The following CDH18 variants were observed in gnomAD, a reference collection of about 807,000 sequenced individuals.
The protein encoded by CDH18 is cadherin-18.
Under a neutral mutation model 67.9 loss-of-function variants are expected in CDH18, and 31 were observed. The observed-to-expected ratio is 0.46, with a 90% CI of 0.34 to 0.62. The LOEUF (loss-of-function observed/expected upper bound fraction) is 0.62, where lower values mean the gene tolerates loss of function less well. CDH18 is among the 20% of genes least tolerant of loss of function. The probability of loss-of-function intolerance (pLI) is 0.01; values close to 1 mark genes in which losing one functional copy is unlikely to be tolerated. For missense variants in CDH18, 890 were observed against 975.5 expected (o/e 0.91, Z 1.17); for synonymous variants, 362 against 347.2 (o/e 1.04, Z -0.48).
chr5:19,717,698 A>T (rs1294175880), intron 5 of CDH18, among the ~76,000 whole-genome samples: 3 of 152,078 alleles, frequency 2.0e-5, no homozygotes, highest in African/African-American at 4.8e-5. Context: ...TCATTTTCTG[A>T]TAACTCAAAA....
intron 3 of CDH18, among the ~76,000 whole-genome samples, chr5:19,804,975 G>T (rs1777883292): frequency 6.6e-6 from 1 of 151,130 alleles, no homozygotes; most frequent in African/African-American, 2.4e-5. Context: ...GACAGGGTGT[G>T]GCTCTGTCAC....
chr5:19,645,372 A>G lies in CDH18; in HGVS notation c.644-32771T>C, dbSNP rs147206639. 3.7e-3 allele frequency among the ~76,000 whole-genome samples: 570 copies of G among 152,294 alleles called. 5 individuals carry two copies. Among genetic ancestry groups the G allele is most frequent in the Admixed American group, 9.3e-3 (142 of 15,298 alleles). ...GCAAACTGCAAAGCTAGAGGGAACT[A>G]GTGGAGTCCAAGAACCTTAGGAGCG... On this transcript the variant is annotated intron_variant, in intron 5 of 12. Coordinates refer to ENST00000382275, the MANE Select transcript of CDH18 (RefSeq NM_004934.5).
At chr5:19,763,941 G>T (rs1202552743) in intron 3 of CDH18, among the ~76,000 whole-genome samples, 2 of 125,828 alleles carry the variant, frequency 1.6e-5, no homozygotes, top group East Asian at 5.0e-4. Context: ...CTGAGGTCAA[G>T]AATTTGAGAC....
At chr5:19,857,086 G>C (rs1156652140) in intron 2 of CDH18, among the ~76,000 whole-genome samples, 2 of 151,902 alleles carry the variant, frequency 1.3e-5, no homozygotes, top group Admixed American at 1.3e-4. Context: ...AATTAGTGAG[G>C]TGTGGTGGTG....
rs534676172 is a variant in CDH18 at position 19,799,601 on chromosome 5, AT to A, written c.228+39157del. On this transcript the variant is annotated intron_variant, in intron 3 of 12. Coordinates refer to ENST00000382275, the MANE Select transcript of CDH18 (RefSeq NM_004934.5). ...TAAATGTATACATTATCTAGGAGTA[AT>A]TTTTTTATATCTATTATACCTCAAT... is the stretch of plus-strand genomic sequence containing the variant. 4.6e-5 allele frequency among the ~76,000 whole-genome samples: 7 copies of A among 152,104 alleles called. No homozygotes were observed. In the East Asian group the frequency reaches 5.8e-4, roughly 13 times the overall value.
intron 3 of CDH18, among the ~76,000 whole-genome samples, chr5:19,750,610 G>A (rs1199975784): frequency 4.6e-5 from 7 of 152,058 alleles, no homozygotes; most frequent in Non-Finnish European, 8.8e-5. Flanking sequence ...TCCATATATA[G>A]ACATGGTAGT....
chr5:19,759,820 C>T (rs13187843), intron 3 of CDH18, among the ~76,000 whole-genome samples: 6,570 of 152,162 alleles, frequency 0.043, 190 homozygotes, highest in Non-Finnish European at 0.066. Context: ...ATTAGGGGTA[C>T]CGTTCTTCAA....
intron 2 of CDH18, among the ~76,000 whole-genome samples, chr5:19,856,306 T>C (rs1460316436): frequency 6.6e-6 from 1 of 152,180 alleles, no homozygotes. Context: ...ATGTTTATAA[T>C]GTACTGCCCT....
At chr5:19,822,791 T>C (rs1050200919) in intron 3 of CDH18, among the ~76,000 whole-genome samples, 3 of 152,132 alleles carry the variant, frequency 2.0e-5, no homozygotes, top group African/African-American at 7.2e-5. Flanking sequence ...ATTGATAACA[T>C]TTTATCAGGA....
intron 2 of CDH18, among the ~76,000 whole-genome samples, chr5:19,998,170 G>A (rs775793947): frequency 2.0e-5 from 3 of 152,126 alleles, no homozygotes; most frequent in Non-Finnish European, 2.9e-5. Flanking sequence ...GCCAAGCTTA[G>A]GGGAGTAAAA....
chr5:19,847,622 G>A (rs1783147253), intron 2 of CDH18, among the ~76,000 whole-genome samples: 1 of 151,774 alleles, frequency 6.6e-6, no homozygotes, highest in Admixed American at 6.6e-5. Context: ...TTTTGATTGA[G>A]CCCTGTTTTC....
intron 3 of CDH18, among the ~76,000 whole-genome samples, chr5:19,829,192 G>C (rs892837145): frequency 1.3e-5 from 2 of 152,116 alleles, no homozygotes; most frequent in African/African-American, 4.8e-5. Context: ...GTTCAATATA[G>C]TACTGGAAGT....
intron 5 of CDH18, among the ~76,000 whole-genome samples, chr5:19,667,725 C>G (rs1467801509): frequency 1.2e-4 from 18 of 151,570 alleles, no homozygotes; most frequent in Admixed American, 1.2e-3. Context: ...TTCTGCTTTA[C>G]AAAGTTTTAT....
At chr5:20,386,604 C>G (rs1434201370) in intron 1 of CDH18, among the ~76,000 whole-genome samples, 1 of 152,064 alleles carries the variant, frequency 6.6e-6, no homozygotes, top group Non-Finnish European at 1.5e-5. Context: ...AAGTATACAG[C>G]AGGAGTAAGT....
intron 3 of CDH18, among the ~76,000 whole-genome samples, chr5:19,764,344 G>A (rs1772788036): frequency 6.6e-6 from 1 of 151,970 alleles, no homozygotes; most frequent in South Asian, 2.1e-4. Context: ...TAGCTCTGAA[G>A]AACTACCCAT....
chr5:20,237,486 A>T (rs1347238495), intron 2 of CDH18, among the ~76,000 whole-genome samples: 1 of 152,000 alleles, frequency 6.6e-6, no homozygotes, highest in Non-Finnish European at 1.5e-5. Context: ...CAAGATATAA[A>T]ATCAAACACA....
At chr5:19,695,985 G>A (rs1762484723) in intron 5 of CDH18, among the ~76,000 whole-genome samples, 1 of 151,828 alleles carries the variant, frequency 6.6e-6, no homozygotes, top group Admixed American at 6.6e-5. Context: ...GTAAGCATAG[G>A]GTTTTTTCAT....
intron 1 of CDH18, among the ~76,000 whole-genome samples, chr5:20,262,277 G>C (rs1170031463): frequency 6.6e-6 from 1 of 152,174 alleles, no homozygotes; most frequent in Admixed American, 6.5e-5. Flanking sequence ...AATTATGTTT[G>C]TAAGTGACAA....
At chr5:19,913,084 G>A (rs1055856739) in intron 2 of CDH18, among the ~76,000 whole-genome samples, 1 of 152,028 alleles carries the variant, frequency 6.6e-6, no homozygotes, top group African/African-American at 2.4e-5. Flanking sequence ...AAAAATGATA[G>A]AAAAGAGGTA....
Sources: allele counts gnomAD v4.1 joint callset (sites outside exome capture counted in the v4.1 genomes callset), GRCh38; gene constraint gnomAD v4.1.1; transcripts MANE v1.5; gene names NCBI Gene and HGNC (gene_info 2026-07-23, HGNC 2026-07-21).